The following FRMD4A variants were observed in gnomAD, a reference collection of about 807,000 sequenced individuals.
The protein encoded by FRMD4A is FERM domain containing 4A.
Under a neutral mutation model 129.1 loss-of-function variants are expected in FRMD4A, and 29 were observed. The ratio of observed to expected loss-of-function variants is 0.22; its 90% CI spans 0.17 to 0.31. The LOEUF (loss-of-function observed/expected upper bound fraction) is 0.31, where lower values mean the gene tolerates loss of function less well. FRMD4A is among the 10% of genes least tolerant of loss of function. The pLI, the probability that FRMD4A is intolerant of heterozygous loss-of-function variation, is 1.00. For missense variants in FRMD4A, 1,272 were observed against 1,375.8 expected, an observed-to-expected ratio of 0.92 and a Z score of 1.19; for synonymous variants, 634 against 571.6, an observed-to-expected ratio of 1.11 and a Z score of -1.56.
At chr10:14,012,169 G>A (rs1220523954) in intron 2 of FRMD4A, among the ~76,000 whole-genome samples, 1 of 150,804 alleles carries the variant, frequency 6.6e-6, no homozygotes, top group Non-Finnish European at 1.5e-5. Flanking sequence ...GTTGAGGGGG[G>A]AAAGATGCCT....
chr10:14,040,401 A>G (rs1165704047), intron 2 of FRMD4A, among the ~76,000 whole-genome samples: 1 of 152,274 alleles, frequency 6.6e-6, no homozygotes, highest in South Asian at 2.1e-4. Context: ...TTTGGTATTC[A>G]TTTACAAGAT....
chr10:13,968,109 G>A (rs560944446), intron 2 of FRMD4A, among the ~76,000 whole-genome samples: 4 of 152,272 alleles, frequency 2.6e-5, no homozygotes, highest in East Asian at 1.9e-4. Flanking sequence ...GGCCCCTTCA[G>A]TTCAGTGGCT....
intron 2 of FRMD4A, among the ~76,000 whole-genome samples, chr10:13,954,997 C>T (rs2095400384): frequency 6.6e-6 from 1 of 151,864 alleles, no homozygotes; most frequent in African/African-American, 2.4e-5. Context: ...ACACAATTTT[C>T]TTTCTTAGGG....
chr10:14,001,918 C>A lies in FRMD4A; in HGVS notation c.46-143006G>T, dbSNP rs570025105. On this transcript the variant is annotated intron_variant, in intron 2 of 24. Coordinates refer to ENST00000357447, the MANE Select transcript of FRMD4A (RefSeq NM_018027.5). ...TATGTGTTTTTGGTAACGTCTCACA[C>A]TTCCCTGCATGAATACATTCAGAAT... Among the ~76,000 whole-genome samples the A allele has an allele frequency of 9.8e-5, 15 of 152,344 alleles. No individual in the cohort carries two copies. The South Asian group carries it at 3.1e-3, about 32-fold the overall frequency.
chr10:13,703,902 G>A (rs2087124405), intron 13 of FRMD4A, among the ~76,000 whole-genome samples: 1 of 152,202 alleles, frequency 6.6e-6, no homozygotes, highest in Non-Finnish European at 1.5e-5. Flanking sequence ...CTACTTGGGA[G>A]GCTGAGGCAG....
chr10:14,034,618 T>C lies in FRMD4A; in HGVS notation c.46-175706A>G, dbSNP rs562128258. The stretch of plus-strand genomic sequence containing the variant: ...ATCAGATCTGATCCTGGGCCTTGGG[T>C]GGGTGGGTCTCTACCTGCACTTTAC... On this transcript the variant is annotated intron_variant, in intron 2 of 24. Transcript: ENST00000357447. 1.1e-4 allele frequency among the ~76,000 whole-genome samples: 16 copies of C among 151,824 alleles called. No homozygotes were observed. The South Asian group carries it at 2.3e-3, about 22-fold the overall frequency.
At chr10:13,745,091 G>T (rs913710344) in intron 9 of FRMD4A, among the ~76,000 whole-genome samples, 1 of 152,166 alleles carries the variant, frequency 6.6e-6, no homozygotes, top group Non-Finnish European at 1.5e-5. Flanking sequence ...ACAAAGAAAA[G>T]ATAAATGTTC....
chr10:13,916,158 C>T (rs927286361), intron 2 of FRMD4A, among the ~76,000 whole-genome samples: 7 of 152,184 alleles, frequency 4.6e-5, no homozygotes, highest in African/African-American at 1.4e-4. Context: ...GCTGCCTGAC[C>T]GTGGCTCTGG....
At chr10:14,151,738 C>T (rs1840348387) in intron 2 of FRMD4A, among the ~76,000 whole-genome samples, 1 of 152,168 alleles carries the variant, frequency 6.6e-6, no homozygotes, top group Non-Finnish European at 1.5e-5. Flanking sequence ...CTCCCTCCCT[C>T]CCTTCCCCAG....
intron 2 of FRMD4A, among the ~76,000 whole-genome samples, chr10:14,049,974 G>C (rs911561178): frequency 6.6e-6 from 1 of 152,128 alleles, no homozygotes; most frequent in South Asian, 2.1e-4. Context: ...TTCTCACGTC[G>C]ACAATATTTA....
chr10:13,971,958 C>T (rs568929283), intron 2 of FRMD4A: 2 of 1,204,354 alleles, frequency 1.7e-6, no homozygotes, highest in East Asian at 1.2e-4. Context: ...CCTCCCCCTA[C>T]CTACCCTCAC....
chr10:13,820,062 G>A (rs1333156619), intron 3 of FRMD4A, among the ~76,000 whole-genome samples: 1 of 152,180 alleles, frequency 6.6e-6, no homozygotes, highest in Non-Finnish European at 1.5e-5. Context: ...AGAGAAGACA[G>A]AGGCAGAGAC....
chr10:14,182,557 A>T (rs12258869), intron 2 of FRMD4A, among the ~76,000 whole-genome samples: 3,004 of 150,744 alleles, frequency 0.02, 98 homozygotes, highest in African/African-American at 0.067. Flanking sequence ...CAAGACAAAA[A>T]TTTTTTTTTT....
chr10:14,112,198 T>C (rs780877731), intron 2 of FRMD4A, among the ~76,000 whole-genome samples: 1 of 152,158 alleles, frequency 6.6e-6, no homozygotes, highest in Non-Finnish European at 1.5e-5. Flanking sequence ...AGCCATGGAA[T>C]GTGGCCCAGC....
intron 4 of FRMD4A, 109 bp downstream of exon 4, chr10:13,810,705 G>A: frequency 1.8e-6 from 1 of 549,720 alleles, no homozygotes; most frequent in Admixed American, 3.3e-5. Flanking sequence ...CCAGACCATG[G>A]GACCCAAGTG....
chr10:13,669,650 C>T (rs1017096129), intron 17 of FRMD4A, among the ~76,000 whole-genome samples: 8 of 152,232 alleles, frequency 5.3e-5, no homozygotes, highest in African/African-American at 1.9e-4. Flanking sequence ...TAACTTCCTT[C>T]AGAAGAAATC....
chr10:14,218,571 T>A (rs1451644873), intron 2 of FRMD4A, among the ~76,000 whole-genome samples: 1 of 152,094 alleles, frequency 6.6e-6, no homozygotes, highest in Non-Finnish European at 1.5e-5. Flanking sequence ...TGTGTCTTAG[T>A]GGCTGGGCAC....
chr10:13,932,393 T>A (rs72774660), intron 2 of FRMD4A, among the ~76,000 whole-genome samples: 13,494 of 152,266 alleles, frequency 0.089, 726 homozygotes, highest in Non-Finnish European at 0.13. Context: ...AGAGTCTTCA[T>A]CTCCTGAAAG....
chr10:14,036,785 C>T (rs1833522553), intron 2 of FRMD4A, among the ~76,000 whole-genome samples: 1 of 151,988 alleles, frequency 6.6e-6, no homozygotes, highest in Non-Finnish European at 1.5e-5. Context: ...GGGGTTTCGC[C>T]AGGTTGGCCA....
Sources: allele counts gnomAD v4.1 joint callset (sites outside exome capture counted in the v4.1 genomes callset), GRCh38; gene constraint gnomAD v4.1.1; transcripts MANE v1.5; gene names NCBI Gene and HGNC (gene_info 2026-07-23, HGNC 2026-07-21).